The following ATF7IP variants were observed in gnomAD, a reference collection of about 807,000 sequenced individuals.
The protein encoded by ATF7IP is activating transcription factor 7-interacting protein 1.
ATF7IP carries 23 observed loss-of-function variants against 106.4 expected under a neutral mutation model. That is an observed-to-expected ratio of 0.22 (90% CI 0.16 to 0.31). ATF7IP has a LOEUF of 0.31. Among genes scored for constraint, ATF7IP ranks in the 10% least tolerant of loss-of-function variants. The pLI, the probability that ATF7IP is intolerant of heterozygous loss-of-function variation, is 1.00. For synonymous variants in ATF7IP, 542 were observed against 539.0 expected (o/e 1.01, Z -0.08); for missense variants, 1,334 against 1,524.3 (o/e 0.88, Z 2.08).
chr12:14,426,259 T>C (rs1286534860), intron 2 of ATF7IP, among the ~76,000 whole-genome samples: 1 of 152,190 alleles, frequency 6.6e-6, no homozygotes, highest in Non-Finnish European at 1.5e-5. Context: ...TACCTTCTTT[T>C]ATGGTCAAAC....
In ATF7IP at chr12:14,477,435, A is replaced by G. The variant is rs1415843034; in HGVS notation, c.2942-882A>G. 2.0e-5 allele frequency among the ~76,000 whole-genome samples: 3 copies of G among 152,244 alleles called. No homozygotes were observed. In the East Asian group the frequency reaches 5.8e-4, roughly 29 times the overall value. On this transcript the variant is annotated intron_variant, in intron 11 of 14. Coordinates refer to ENST00000261168, the MANE Select transcript of ATF7IP (RefSeq NM_018179.5). ...CACTAATTTTTAATAGACAGCCATG[A>G]CTATTATAATGGATCCCTAAAGAAA...
At chr12:14,392,165 G>GA (rs1939590313) in intron 1 of ATF7IP, among the ~76,000 whole-genome samples, 1 of 152,188 alleles carries the variant, frequency 6.6e-6, no homozygotes, top group Admixed American at 6.5e-5. Flanking sequence ...GTCAAGTGAA[G>GA]TGTAGCACAA....
rs1354555603 is a variant in ATF7IP at position 14,390,086 on chromosome 12, G to A, written c.-8+24259G>A. ...TAGGGCCTTCTCTTGCCCACCTCTG[G>A]TCCTCTTCACTGAATCACGTTACCT... On this transcript the variant is annotated intron_variant, in intron 1 of 14. Transcript: ENST00000261168. 3.9e-5 allele frequency among the ~76,000 whole-genome samples: 6 copies of A among 152,290 alleles called. No homozygotes were observed. The South Asian group carries it at 1.0e-3, about 26-fold the overall frequency.
At chr12:14,426,852 GA>G (rs1941878206) in intron 2 of ATF7IP, among the ~76,000 whole-genome samples, 1 of 9,164 alleles carries the variant, frequency 1.1e-4, no homozygotes, top group Admixed American at 1.3e-3. Context: ...AAAAAAAAAG[GA>G]TGGCTTTTTA....
At chr12:14,453,412 C>T (rs1469579778) in intron 6 of ATF7IP, among the ~76,000 whole-genome samples, 1 of 152,062 alleles carries the variant, frequency 6.6e-6, no homozygotes, top group Non-Finnish European at 1.5e-5. Context: ...TTTCAAATGA[C>T]CTGTCTTCAA....
intron 1 of ATF7IP, among the ~76,000 whole-genome samples, chr12:14,380,383 C>G (rs189674782): frequency 5.3e-5 from 8 of 152,054 alleles, no homozygotes; most frequent in African/African-American, 1.9e-4. Flanking sequence ...TATCTAAATT[C>G]GACAGTTTGA....
chr12:14,423,397 AT>A (rs1941639111), intron 1 of ATF7IP, among the ~76,000 whole-genome samples: 1 of 151,760 alleles, frequency 6.6e-6, no homozygotes, highest in African/African-American at 2.4e-5. Context: ...TTCTTTCTTG[AT>A]GGTAATCTTT....
At chr12:14,432,766 A>G (rs984950973) in intron 2 of ATF7IP, among the ~76,000 whole-genome samples, 2 of 152,198 alleles carry the variant, frequency 1.3e-5, no homozygotes, top group African/African-American at 4.8e-5. Flanking sequence ...AGCATAATAT[A>G]CTTTATGATT....
chr12:14,420,374 A>C (rs1941434596), intron 1 of ATF7IP: 1 of 152,786 alleles, frequency 6.5e-6, no homozygotes, highest in Non-Finnish European at 1.5e-5. Context: ...TCACACCTGT[A>C]ATCCCAGCAC....
rs539794601 is a variant in ATF7IP at position 14,451,591 on chromosome 12, G to A, written c.1995+4538G>A. On this transcript the variant is annotated intron_variant, in intron 6 of 14. Transcript: ENST00000261168. ...ATTTTCATTTGTCTGAAGATATCTT[G>A]TAATTTACCTTCTTCTTTGACTTGT... 6.1e-5 allele frequency among the ~76,000 whole-genome samples: 9 copies of A among 148,438 alleles called. No individual in the cohort carries two copies. In the South Asian group the frequency reaches 1.7e-3, roughly 28 times the overall value.
At chr12:14,428,366 T>C (rs1941966312) in intron 2 of ATF7IP, among the ~76,000 whole-genome samples, 1 of 152,184 alleles carries the variant, frequency 6.6e-6, no homozygotes, top group South Asian at 2.1e-4. Context: ...GCAGGGTAAA[T>C]TTAGTGATAG....
chr12:14,462,816 CAT>C (rs952631068), intron 9 of ATF7IP, among the ~76,000 whole-genome samples: 5 of 151,796 alleles, frequency 3.3e-5, no homozygotes, highest in African/African-American at 1.2e-4. Context: ...TATTTCTAAA[CAT>C]AAAATTGTAT....
intron 1 of ATF7IP, among the ~76,000 whole-genome samples, chr12:14,388,821 G>A (rs748158852): frequency 6.6e-6 from 1 of 152,082 alleles, no homozygotes; most frequent in African/African-American, 2.4e-5. Flanking sequence ...TGTGTTTTTA[G>A]TAGAGACGGG....
chr12:14,471,347 T>C (rs1489758560), intron 10 of ATF7IP, among the ~76,000 whole-genome samples: 2 of 152,168 alleles, frequency 1.3e-5, no homozygotes, highest in Non-Finnish European at 2.9e-5. Flanking sequence ...TTTGCTGTAG[T>C]GGTTTTATCT....
intron 10 of ATF7IP, among the ~76,000 whole-genome samples, chr12:14,473,288 C>CTGTATGTGTGTGTGTGTGTGTGTGTG (rs796814505): frequency 7.1e-6 from 1 of 140,350 alleles, no homozygotes; most frequent in Non-Finnish European, 1.5e-5. Context: ...CTCTCTCTCT[C>CTGTATGTGTGTGTGTGTGTGTGTGTG]TCTGTGTGTG....
At chr12:14,384,926 A>G (rs1051206664) in intron 1 of ATF7IP, 1 of 143,024 alleles carries the variant, frequency 7.0e-6, no homozygotes, top group Non-Finnish European at 1.5e-5. Context: ...TTTTTTCTGG[A>G]CTGAAATGGA....
At chr12:14,426,888 C>A (rs1410743121) in intron 2 of ATF7IP, among the ~76,000 whole-genome samples, 1 of 145,900 alleles carries the variant, frequency 6.9e-6, no homozygotes, top group Non-Finnish European at 1.5e-5. Context: ...TCAACTAAAC[C>A]TATATAAAGA....
In ATF7IP at chr12:14,446,982, T is replaced by C; in HGVS notation, c.1930-6T>C. 1 of 1,560,248 alleles carries C rather than the reference T, an allele frequency of 6.4e-7. No homozygotes were observed. Among genetic ancestry groups the C allele is most frequent in the Non-Finnish European group, 8.6e-7 (1 of 1,160,526 alleles). ...CATTCATTTTTGTCTTTTTTTTTTT[T>C]TTCAGGCCAAGATAGCCAGGTTAAC... On this transcript the variant is annotated splice_region_variant and splice_polypyrimidine_tract_variant and intron_variant, in intron 5 of 14. Transcript: ENST00000261168.
At position 14,448,689 on chromosome 12, in the gene ATF7IP, G is replaced by A. The variant is rs185877162; in HGVS notation, c.1995+1636G>A. Among the ~76,000 whole-genome samples, 79 of 152,206 alleles carry A rather than the reference G, an allele frequency of 5.2e-4. 1 individual carries two copies. The highest frequency in any genetic ancestry group is 3.1e-3 in the South Asian group (15 of 4,830). On this transcript the variant is annotated intron_variant, in intron 6 of 14. Coordinates refer to ENST00000261168, the MANE Select transcript of ATF7IP (RefSeq NM_018179.5). ...ATATACCCAGAAGAGGAATTACTAG[G>A]TTGTATGGTAATACTTTTAGATATT... is the stretch of plus-strand genomic sequence containing the variant.
Sources: gnomAD v4.1 joint callset for allele counts (sites outside exome capture counted in the v4.1 genomes callset) on GRCh38, gnomAD v4.1.1 for gene constraint, MANE v1.5 for transcripts, NCBI Gene and HGNC (gene_info 2026-07-23, HGNC 2026-07-21) for gene names.